ASIC2: variants seen among roughly 807,000 people sequenced by gnomAD.
ASIC2 encodes the protein acid-sensing ion channel 2.
ASIC2 carries 25 observed loss-of-function variants against 57.3 expected under a neutral mutation model. The ratio of observed to expected loss-of-function variants is 0.44; its 90% CI spans 0.32 to 0.61. The LOEUF is 0.61. Among genes scored for constraint, ASIC2 ranks in the 20% least tolerant of loss-of-function variants. ASIC2 has a pLI of 0.06. For synonymous variants in ASIC2, 319 were observed against 307.5 expected, an observed-to-expected ratio of 1.04 and a Z score of -0.39; for missense variants, 641 against 738.1, an observed-to-expected ratio of 0.87 and a Z score of 1.52.
chr17:33,446,776 A>G (rs1392388701), intron 1 of ASIC2, among the ~76,000 whole-genome samples: 2 of 152,176 alleles, frequency 1.3e-5, no homozygotes, highest in Non-Finnish European at 2.9e-5. Flanking sequence ...TGGAAGGGAA[A>G]TCTTTGAACC....
At chr17:33,419,974 C>T (rs1402451560) in intron 1 of ASIC2, among the ~76,000 whole-genome samples, 1 of 152,104 alleles carries the variant, frequency 6.6e-6, no homozygotes, top group Non-Finnish European at 1.5e-5. Flanking sequence ...GAAGGATACT[C>T]ATAAAACTGG....
At chr17:33,602,436 C>T (rs1905135136) in intron 1 of ASIC2, among the ~76,000 whole-genome samples, 1 of 152,202 alleles carries the variant, frequency 6.6e-6, no homozygotes, top group East Asian at 1.9e-4. Context: ...CTCTCTCTCT[C>T]ATCCATGTGA....
chr17:34,008,255 C>T (rs1028453845), intron 1 of ASIC2, among the ~76,000 whole-genome samples: 9 of 152,304 alleles, frequency 5.9e-5, no homozygotes, highest in Non-Finnish European at 5.9e-5. Flanking sequence ...AATGGAGAAA[C>T]TAAAGACCAG....
At chr17:33,658,000 T>A (rs1907130225) in intron 1 of ASIC2, among the ~76,000 whole-genome samples, 1 of 152,178 alleles carries the variant, frequency 6.6e-6, no homozygotes, top group Admixed American at 6.5e-5. Flanking sequence ...GCCCTCTGCC[T>A]ACTACAATAA....
intron 1 of ASIC2, among the ~76,000 whole-genome samples, chr17:33,395,476 A>G (rs1364285433): frequency 6.6e-6 from 1 of 152,174 alleles, no homozygotes; most frequent in African/African-American, 2.4e-5. Flanking sequence ...ACTCATTATG[A>G]CAAGAACAGC....
At chr17:33,405,470 CTT>C (rs1910437351) in intron 1 of ASIC2, among the ~76,000 whole-genome samples, 5 of 141,828 alleles carry the variant, frequency 3.5e-5, no homozygotes, top group Non-Finnish European at 7.7e-5. Context: ...TTCTTTCTTT[CTT>C]TTTCTTTTTT....
chr17:33,717,146 A>G (rs563154102), intron 1 of ASIC2, among the ~76,000 whole-genome samples: 9 of 152,344 alleles, frequency 5.9e-5, no homozygotes, highest in African/African-American at 2.2e-4. Flanking sequence ...CCTCATTCAC[A>G]CTTCAAAAAA....
intron 1 of ASIC2, among the ~76,000 whole-genome samples, chr17:33,310,756 T>C (rs964925556): frequency 1.3e-5 from 2 of 152,204 alleles, no homozygotes; most frequent in Admixed American, 6.5e-5. Flanking sequence ...ATTTCAGTGA[T>C]GTTTGCAGTA....
chr17:34,089,163 C>T (rs1910231649), intron 1 of ASIC2, among the ~76,000 whole-genome samples: 1 of 152,194 alleles, frequency 6.6e-6, no homozygotes, highest in African/African-American at 2.4e-5. Context: ...GGAGCTGTTC[C>T]TATTCCGCCA....
At position 33,505,570 on chromosome 17, in the gene ASIC2, C is replaced by T. The variant is rs184786830; in HGVS notation, c.556-393503G>A. On this transcript the variant is annotated intron_variant, in intron 1 of 9. Coordinates refer to the ASIC2 transcript ENST00000359872. Reference sequence around the variant, plus strand: ...TGACCTAAACCTTTTTATGGTTCCCCATCATCGGTAGCATGAAGCACAGAC... The same window carrying T: ...TGACCTAAACCTTTTTATGGTTCCCTATCATCGGTAGCATGAAGCACAGAC... Among the ~76,000 whole-genome samples the T allele has an allele frequency of 1.3e-3, 197 of 152,336 alleles. 2 individuals are homozygous for T. Among genetic ancestry groups the T allele is most frequent in the Non-Finnish European group, 3.8e-4 (26 of 68,028 alleles).
chr17:33,348,966 C>T (rs16963766), intron 1 of ASIC2, among the ~76,000 whole-genome samples: 4,687 of 152,168 alleles, frequency 0.031, 240 homozygotes, highest in African/African-American at 0.11. Flanking sequence ...CAAACAAATC[C>T]ACTAGGGATC....
At chr17:33,236,005 C>T (rs1354888668) in intron 1 of ASIC2, among the ~76,000 whole-genome samples, 1 of 151,920 alleles carries the variant, frequency 6.6e-6, no homozygotes, top group African/African-American at 2.4e-5. Context: ...CCCAGCTAAT[C>T]TTTTTATTTT....
At chr17:34,087,534 C>T (rs535051518) in intron 1 of ASIC2, among the ~76,000 whole-genome samples, 5 of 152,198 alleles carry the variant, frequency 3.3e-5, no homozygotes, top group African/African-American at 4.8e-5. Context: ...TTGCTCTTCT[C>T]GAGGAGTATC....
chr17:33,928,875 T>C lies in ASIC2; in HGVS notation c.555+227103A>G, dbSNP rs544385684. Among the ~76,000 whole-genome samples, 7 of 152,216 alleles carry C rather than the reference T, an allele frequency of 4.6e-5. No individual in the cohort carries two copies. In the South Asian group the frequency reaches 6.2e-4, roughly 14 times the overall value. Reference sequence around the variant, plus strand: ...AGTAATAGTAGTAGAAGCCTGAAAGTCTGTTAGGTAACCGAGGCTGCAAAC... The same window carrying C: ...AGTAATAGTAGTAGAAGCCTGAAAGCCTGTTAGGTAACCGAGGCTGCAAAC... On this transcript the variant is annotated intron_variant, in intron 1 of 9. Transcript: ENST00000359872.
At chr17:33,886,831 T>C (rs1189570122) in intron 1 of ASIC2, among the ~76,000 whole-genome samples, 1 of 152,108 alleles carries the variant, frequency 6.6e-6, no homozygotes, top group Non-Finnish European at 1.5e-5. Context: ...GGTTCAGACT[T>C]CACCCCAGAC....
intron 1 of ASIC2, among the ~76,000 whole-genome samples, chr17:33,895,441 C>T (rs1915072456): frequency 2.0e-5 from 3 of 152,250 alleles, no homozygotes; most frequent in South Asian, 2.1e-4. Flanking sequence ...CACACCCGGC[C>T]TGAATATTTT....
intron 1 of ASIC2, among the ~76,000 whole-genome samples, chr17:33,914,316 T>C (rs1915536805): frequency 6.6e-6 from 1 of 152,122 alleles, no homozygotes; most frequent in East Asian, 1.9e-4. Flanking sequence ...CAGTTCTCAT[T>C]TATGTTATCC....
intron 1 of ASIC2, among the ~76,000 whole-genome samples, chr17:34,151,969 A>G (rs1904545409): frequency 6.6e-6 from 1 of 152,160 alleles, no homozygotes; most frequent in African/African-American, 2.4e-5. Context: ...TCCAACTCAG[A>G]TTTCTCCCTA....
chr17:33,076,975 G>A (rs2092091295), intron 3 of ASIC2, among the ~76,000 whole-genome samples: 1 of 152,170 alleles, frequency 6.6e-6, no homozygotes, highest in Non-Finnish European at 1.5e-5. Flanking sequence ...TGAAGGGAAT[G>A]CATGCTTTTT....
Sources: gnomAD v4.1 joint callset for allele counts (sites outside exome capture counted in the v4.1 genomes callset) on GRCh38, gnomAD v4.1.1 for gene constraint, MANE v1.5 for transcripts, NCBI Gene and HGNC (gene_info 2026-07-23, HGNC 2026-07-21) for gene names.